Variants in TRMT5 observed in about 807,000 individuals in gnomAD.
The protein encoded by TRMT5 is tRNA (guanine(37)-N(1))-methyltransferase.
Under a neutral mutation model 42.2 loss-of-function variants are expected in TRMT5, and 31 were observed. That is an observed-to-expected ratio of 0.73 (90% confidence interval 0.55 to 0.99). The LOEUF is 0.99. Ranked by LOEUF, TRMT5 falls within the 50% of genes least tolerant of loss-of-function variation. The probability of loss-of-function intolerance (pLI) is 0.00; values close to 1 mark genes in which losing one functional copy is unlikely to be tolerated. For synonymous variants in TRMT5, 198 were observed against 209.6 expected (o/e 0.94, Z 0.48); for missense variants, 568 against 595.0 (o/e 0.95, Z 0.47).
At position 60,975,509 on chromosome 14, in the gene TRMT5, G is replaced by T; in HGVS notation, c.1410C>A (p.Ala470=). 1.9e-6 allele frequency: 3 copies of T among 1,614,158 alleles called. No homozygotes were observed. Among genetic ancestry groups the T allele is most frequent in the Non-Finnish European group, 2.5e-6 (3 of 1,180,000 alleles). The change falls in exon 4 of 5, where the codon GCC becomes GCA. Residue 470 remains alanine, a synonymous_variant. Coordinates refer to ENST00000261249, the MANE Select transcript of TRMT5 (RefSeq NM_020810.3). ...TGGTCTGGTTCTTGTAGAGGACAGA[G>T]GCAGGAATCTGAAACGTGATGCACA... ...EMLCITFQIP[A]SVLYKNQTRN... is the part of the protein sequence containing the mutation.
upstream of TRMT5, chr14:60,981,294 G>A: frequency 6.2e-7 from 1 of 1,607,874 alleles, no homozygotes. Context: ...GCGTCCTGGG[G>A]GAGCTTCAAC....
chr14:60,979,829 G>A lies in TRMT5; in HGVS notation c.69C>T (p.Ser23=), dbSNP rs1205147646. The A allele has an allele frequency of 1.2e-6, 2 of 1,605,454 alleles. No individual in the cohort carries two copies. Among genetic ancestry groups the A allele is most frequent in the African/African-American group, 1.3e-5 (1 of 74,270 alleles). Residue 23 remains serine (S), a synonymous_variant, in exon 2 of 5, where the codon AGC becomes AGT. Coordinates refer to ENST00000261249, the MANE Select transcript of TRMT5 (RefSeq NM_020810.3). ...GAATCAACGATTTTGATTCAGTTAT[G>A]CTATGGCTTTCCAGTTTCAGAAATC... The part of the protein sequence containing the change: ...SGRFLKLESH[S]ITESKSLIPV...
Position 60,971,726 on chromosome 14 carries a change from G to A in TRMT5, c.*3383C>T, listed in dbSNP as rs1295948376. 2 of 160,722 alleles carry A rather than the reference G, an allele frequency of 1.2e-5. No individual in the cohort carries two copies. Among genetic ancestry groups the A allele is most frequent in the Non-Finnish European group, 2.7e-5 (2 of 74,062 alleles). 10.0% of individuals were successfully genotyped at this position (160,722 alleles called of 1,614,324 possible). A position where few individuals can be genotyped will look rare whatever the true frequency, so the allele number is the denominator to read the frequency against. On this transcript the variant is annotated 3_prime_UTR_variant, in exon 5 of 5. Transcript: ENST00000261249. ...TTCAGGAAGTGAAATGAAAATGGCA[G>A]AATTTATCCGAAGATCCATAATCTA...
rs900900611 is a variant in TRMT5, at chr14:60,975,252, TA to T, written c.1445-59del. 6.7e-5 allele frequency: 98 copies of T among 1,459,212 alleles called. No homozygotes were observed. In the Admixed American group the frequency reaches 9.6e-4, roughly 14 times the overall value. The allele number at this position is 1,459,212 out of a possible 1,614,324, so 90.4% of individuals were successfully genotyped here. On this transcript the variant is annotated intron_variant, in intron 4 of 4. Coordinates refer to ENST00000261249, the MANE Select transcript of TRMT5 (RefSeq NM_020810.3). ...AGATATTAACAGTTGAAAATACTCTTAAAAAAACAAACAATATAGGCATTTT... is the reference window on the plus strand; with the variant it reads ...AGATATTAACAGTTGAAAATACTCTTAAAAAACAAACAATATAGGCATTTT...
Position 60,972,438 on chromosome 14 carries a change from G to A in TRMT5, c.*2671C>T. ...CTTCACCTTGGCTTTATCTCCTTTA[G>A]CATCCCCTTCAGTCTTTCTCTTGGG... On this transcript the variant is annotated 3_prime_UTR_variant, in exon 5 of 5. Transcript: ENST00000261249. The A allele has an allele frequency of 1.9e-6, 1 of 527,976 alleles. No individual in the cohort carries two copies. The highest frequency in any genetic ancestry group is 1.4e-5 in the South Asian group (1 of 71,388). The allele number at this position is 527,976 out of a possible 1,614,324, so 32.7% of individuals were successfully genotyped here.
At chr14:60,981,515 G>T (rs1434400067), upstream of TRMT5, 3 of 1,533,976 alleles carry the variant, frequency 2.0e-6, no homozygotes, top group Non-Finnish European at 2.6e-6. Flanking sequence ...GGGGGATGGG[G>T]TCTGAAGGCA....
Position 60,973,465 on chromosome 14 carries a change from T to G in TRMT5, c.*1644A>C, listed in dbSNP as rs1887742. 0.92 allele frequency: 140,159 copies of G among 152,214 alleles called. 65,030 individuals carry two copies. Among genetic ancestry groups the G allele is most frequent in the Non-Finnish European group, 0.99 (67,175 of 68,090 alleles). The allele number at this position is 152,214 out of a possible 1,614,324, so 9.4% of individuals were successfully genotyped here. ...CAACAAGATCTCATAACTCATTATC[T>G]TAAGGACACCACCAAGGGGATAGTG... On this transcript the variant is annotated 3_prime_UTR_variant, in exon 5 of 5. Transcript: ENST00000261249.
At chr14:60,980,734 G>C (rs1274730770) in intron 1 of TRMT5, 6 of 637,904 alleles carry the variant, frequency 9.4e-6, no homozygotes, top group Non-Finnish European at 1.3e-5. Context: ...TGACCAGCTG[G>C]GTGACCCTGG....
In TRMT5 at chr14:60,981,044, G is replaced by A. The variant is rs1326373566; in HGVS notation, c.-71C>T. 6.2e-7 allele frequency: 1 copy of A among 1,609,460 alleles called. No homozygotes were observed. ...CTCACCTCCCGCTCCGGTACCGATCGGATGTGGGTCGCGGGTGGATGGGCG... is the reference window on the plus strand; with the variant it reads ...CTCACCTCCCGCTCCGGTACCGATCAGATGTGGGTCGCGGGTGGATGGGCG... On this transcript the variant is annotated 5_prime_UTR_variant, in exon 1 of 5. Transcript: ENST00000261249.
chr14:60,980,652 G>C (rs2036947747), intron 1 of TRMT5, among the ~76,000 whole-genome samples: 1 of 152,092 alleles, frequency 6.6e-6, no homozygotes, highest in Non-Finnish European at 1.5e-5. Flanking sequence ...AAGGGGAAAG[G>C]GCCCTGTCCC....
Position 60,974,954 on chromosome 14 carries a change from T to G in TRMT5, c.*155A>C, listed in dbSNP as rs984298448. 3.3e-5 allele frequency: 15 copies of G among 448,934 alleles called. No homozygotes were observed. Among genetic ancestry groups the G allele is most frequent in the Non-Finnish European group, 4.8e-5 (12 of 250,564 alleles). The allele number at this position is 448,934 out of a possible 1,614,324, so 27.8% of individuals were successfully genotyped here. A position where few individuals can be genotyped will look rare whatever the true frequency, so the allele number is the denominator to read the frequency against. ...CAGGGAATGTATTTGGTAGCCTTAGTTCAGTTAAAGTTTAATTGGTAATCC... is the reference window on the plus strand; with the variant it reads ...CAGGGAATGTATTTGGTAGCCTTAGGTCAGTTAAAGTTTAATTGGTAATCC... On this transcript the variant is annotated 3_prime_UTR_variant, in exon 5 of 5. Transcript: ENST00000261249.
intron 4 of TRMT5, 37 bp downstream of exon 4, chr14:60,975,438 G>T: frequency 6.3e-7 from 1 of 1,585,340 alleles, no homozygotes; most frequent in South Asian, 1.2e-5. Context: ...ACAATTGAAT[G>T]GCAAGGTTTA....
chr14:60,972,433 C>T lies in TRMT5; in HGVS notation c.*2676G>A. On this transcript the variant is annotated 3_prime_UTR_variant, in exon 5 of 5. Coordinates refer to ENST00000261249, the MANE Select transcript of TRMT5 (RefSeq NM_020810.3). ...TCATCCTTCACCTTGGCTTTATCTC[C>T]TTTAGCATCCCCTTCAGTCTTTCTC... 1.9e-6 allele frequency: 1 copy of T among 529,290 alleles called. No individual in the cohort carries two copies. The highest frequency in any genetic ancestry group is 3.8e-6 in the Non-Finnish European group (1 of 263,254). 32.8% of individuals were successfully genotyped at this position (529,290 alleles called of 1,614,324 possible).
rs185470218 is a variant in TRMT5, at chr14:60,974,867, T to C, written c.*242A>G. On this transcript the variant is annotated 3_prime_UTR_variant, in exon 5 of 5. Transcript: ENST00000261249. The stretch of plus-strand genomic sequence containing the variant: ...CCCTGAGAGAAAATATTTATTCATA[T>C]TTATCCAATAAAAATTAGATATATT... The C allele has an allele frequency of 2.2e-3, 519 of 234,846 alleles. 2 individuals carry two copies. Among genetic ancestry groups the C allele is most frequent in the Non-Finnish European group, 3.4e-3 (417 of 121,874 alleles). 14.5% of individuals were successfully genotyped at this position (234,846 alleles called of 1,614,324 possible).
chr14:60,972,390 G>C lies in TRMT5; in HGVS notation c.*2719C>G. The C allele has an allele frequency of 1.9e-6, 1 of 539,284 alleles. No individual in the cohort carries two copies. The highest frequency in any genetic ancestry group is 3.7e-6 in the Non-Finnish European group (1 of 267,004). The allele number at this position is 539,284 out of a possible 1,614,324, so 33.4% of individuals were successfully genotyped here. On this transcript the variant is annotated 3_prime_UTR_variant, in exon 5 of 5. Transcript: ENST00000261249. ...AGGAGCAGGTTTAGCAGACAACCTC[G>C]CAGATCTTCTCTGTGATTCATCCTT...
chr14:60,977,583 A>G lies in TRMT5; in HGVS notation c.723T>C (p.Asn241=). ...PGITSAVNKI[N]NIDNMYRNFQ... ...AATTTCGGTACATATTGTCAATATTATTTATTTTATTTACTGCTGAGGTGA... is the reference window on the plus strand; with the variant it reads ...AATTTCGGTACATATTGTCAATATTGTTTATTTTATTTACTGCTGAGGTGA... The change falls in exon 3 of 5, where the codon AAT becomes AAC. Residue 241 remains asparagine (N), a synonymous_variant. Coordinates refer to ENST00000261249, the MANE Select transcript of TRMT5 (RefSeq NM_020810.3). 6.2e-7 allele frequency: 1 copy of G among 1,610,852 alleles called. No individual in the cohort carries two copies. The highest frequency in any genetic ancestry group is 8.5e-7 in the Non-Finnish European group (1 of 1,178,140).
chr14:60,981,645 A>C, upstream of TRMT5: 1 of 1,443,382 alleles, frequency 6.9e-7, no homozygotes, highest in Non-Finnish European at 9.2e-7. Flanking sequence ...GGAAGCTGCG[A>C]ACATGATGGG....
intron 3 of TRMT5, among the ~76,000 whole-genome samples, chr14:60,976,488 G>A (rs2036849681): frequency 6.6e-6 from 1 of 152,200 alleles, no homozygotes; most frequent in Non-Finnish European, 1.5e-5. Context: ...TCACCAGATA[G>A]ACAAGGCAAG....
chr14:60,981,216 A>T (rs1448590296), upstream of TRMT5: 11 of 1,551,562 alleles, frequency 7.1e-6, no homozygotes, highest in Non-Finnish European at 8.7e-6. Context: ...GCGACCGACG[A>T]CTGGAGCGCA....
Sources: allele counts gnomAD v4.1 joint callset (sites outside exome capture counted in the v4.1 genomes callset), GRCh38; gene constraint gnomAD v4.1.1; transcripts MANE v1.5; gene names NCBI Gene and HGNC (gene_info 2026-07-23, HGNC 2026-07-21).